The following SH3PXD2A variants were observed in gnomAD, a reference collection of about 807,000 sequenced individuals.
SH3PXD2A encodes the protein SH3 and PX domain-containing protein 2A.
In SH3PXD2A, 32 loss-of-function variants were observed where a neutral mutation model predicts 115.2. The observed-to-expected ratio is 0.28, with a 90% CI of 0.21 to 0.37. SH3PXD2A has a LOEUF of 0.37. Ranked by LOEUF, SH3PXD2A falls within the 10% of genes least tolerant of loss-of-function variation. The pLI, the probability that SH3PXD2A is intolerant of heterozygous loss-of-function variation, is 1.00. For missense variants in SH3PXD2A, 1,328 were observed against 1,498.7 expected (o/e 0.89, Z 1.88); for synonymous variants, 610 against 629.1 (o/e 0.97, Z 0.45).
chr10:103,846,742 G>C lies in SH3PXD2A; in HGVS notation c.72+8453C>G, dbSNP rs1040212501. 2.0e-5 allele frequency among the ~76,000 whole-genome samples: 3 copies of C among 152,220 alleles called. No homozygotes were observed. In the South Asian group the frequency reaches 6.2e-4, roughly 32 times the overall value. On this transcript the variant is annotated intron_variant, in intron 1 of 14. Coordinates refer to ENST00000369774, the MANE Select transcript of SH3PXD2A (RefSeq NM_001394015.1). ...CATGTGGAAGATCTCACGGCTTGAGGAGCCAACCAACTAGGCCTAAGGTGG... is the reference window on the plus strand; with the variant it reads ...CATGTGGAAGATCTCACGGCTTGAGCAGCCAACCAACTAGGCCTAAGGTGG...
chr10:103,684,549 G>A (rs1331898334), intron 6 of SH3PXD2A, among the ~76,000 whole-genome samples: 2 of 151,814 alleles, frequency 1.3e-5, no homozygotes, highest in African/African-American at 2.4e-5. Flanking sequence ...TAGTAGAGAC[G>A]AGGTTTCATC....
At chr10:103,708,616 T>A (rs1384517572) in intron 5 of SH3PXD2A, among the ~76,000 whole-genome samples, 1 of 152,172 alleles carries the variant, frequency 6.6e-6, no homozygotes, top group African/African-American at 2.4e-5. Context: ...GACACTGCGC[T>A]TGGCAGCCTT....
chr10:103,730,289 T>G (rs1252237405), intron 4 of SH3PXD2A, among the ~76,000 whole-genome samples: 3 of 152,012 alleles, frequency 2.0e-5, no homozygotes, highest in Non-Finnish European at 2.9e-5. Context: ...GTTTTTTAAT[T>G]TTTTTAAAGC....
At chr10:103,834,761 G>A (rs1195049716) in intron 1 of SH3PXD2A, among the ~76,000 whole-genome samples, 1 of 152,190 alleles carries the variant, frequency 6.6e-6, no homozygotes, top group Non-Finnish European at 1.5e-5. Flanking sequence ...TTTTAAAGAT[G>A]AAGAAACTGA....
chr10:103,824,036 A>G (rs1826192415), intron 1 of SH3PXD2A, among the ~76,000 whole-genome samples: 2 of 152,112 alleles, frequency 1.3e-5, no homozygotes, highest in Admixed American at 1.3e-4. Flanking sequence ...CCACTCCCCA[A>G]CCCCTGGGAG....
chr10:103,617,439 C>CTCT, intron 10 of SH3PXD2A, 125 bp from the exon 11 acceptor site: 1 of 681,438 alleles, frequency 1.5e-6, no homozygotes, highest in Non-Finnish European at 2.6e-6. Context: ...ACTGGGTTGG[C>CTCT]TCTGGCTTCT....
At chr10:103,686,739 T>TG (rs2037682962) in intron 6 of SH3PXD2A, among the ~76,000 whole-genome samples, 1 of 138,796 alleles carries the variant, frequency 7.2e-6, no homozygotes, top group East Asian at 2.1e-4. Flanking sequence ...TAGGTGTTGC[T>TG]GGGGAATTTT....
At chr10:103,608,151 A>AAAAAAAAAAAAAAAAGTTTAC (rs1564842913) in intron 13 of SH3PXD2A, among the ~76,000 whole-genome samples, 4 of 71,280 alleles carry the variant, frequency 5.6e-5, no homozygotes, top group African/African-American at 1.3e-4. Flanking sequence ...TGATCAATTT[A>AAAAAAAAAAAAAAAAGTTTAC]AAAAAAAAAA....
intron 2 of SH3PXD2A, among the ~76,000 whole-genome samples, chr10:103,775,858 G>C (rs564750707): frequency 1.6e-4 from 25 of 152,246 alleles, no homozygotes; most frequent in African/African-American, 6.0e-4. Flanking sequence ...CCCAGCTCAA[G>C]GACGGCACTA....
At position 103,627,230 on chromosome 10, in the gene SH3PXD2A, C is replaced by A. The variant is rs768963817; in HGVS notation, c.605-28G>T. On this transcript the variant is annotated intron_variant, in intron 8 of 14. Coordinates refer to ENST00000369774, the MANE Select transcript of SH3PXD2A (RefSeq NM_001394015.1). The surrounding 1 kb of genome is among the most constrained non-coding windows in gnomAD (Gnocchi z 4.4). ...GCAGGGAGGACAAGAGAGAACAGGA[C>A]TGTGAGATTCTGCAGGGTGGCAGGG... 2 of 1,373,390 alleles carry A rather than the reference C, an allele frequency of 1.5e-6. No homozygotes were observed. The highest frequency in any genetic ancestry group is 2.3e-5 in the South Asian group (2 of 85,946). 85.1% of individuals were successfully genotyped at this position (1,373,390 alleles called of 1,614,324 possible). A position where few individuals can be genotyped will look rare whatever the true frequency, so the allele number is the denominator to read the frequency against.
At chr10:103,769,007 A>G (rs1288756573) in intron 2 of SH3PXD2A, among the ~76,000 whole-genome samples, 1 of 152,032 alleles carries the variant, frequency 6.6e-6, no homozygotes, top group Non-Finnish European at 1.5e-5. Context: ...CCAACTATTC[A>G]TGAGGGATCA....
At chr10:103,800,362 A>G (rs1046448573) in intron 2 of SH3PXD2A, among the ~76,000 whole-genome samples, 35 of 152,322 alleles carry the variant, frequency 2.3e-4, no homozygotes, top group Middle Eastern at 3.4e-3. Context: ...GGATTTTTCA[A>G]CTTGGAACTG....
intron 6 of SH3PXD2A, 101 bp from the exon 7 acceptor site, chr10:103,668,753 C>A: frequency 1.9e-6 from 2 of 1,078,568 alleles, no homozygotes; most frequent in South Asian, 1.3e-5. Flanking sequence ...GCAGGCGCCG[C>A]GCTCGGCCAG....
At chr10:103,694,314 C>T (rs1408397644) in intron 5 of SH3PXD2A, among the ~76,000 whole-genome samples, 1 of 152,040 alleles carries the variant, frequency 6.6e-6, no homozygotes, top group Non-Finnish European at 1.5e-5. Flanking sequence ...AGGGGGTTCT[C>T]TTGGAGGAAG....
In SH3PXD2A at chr10:103,594,754, G is replaced by A. The variant is rs1268604767; in HGVS notation, c.*7062C>T. ...GAGTGTGCCTTGGTTATAAGGCAAC[G>A]CAAAATGGTAGGGTATATCCATGGA... On this transcript the variant is annotated 3_prime_UTR_variant, in exon 15 of 15. Transcript: ENST00000369774. 6.6e-6 allele frequency: 1 copy of A among 152,210 alleles called. No homozygotes were observed. Among genetic ancestry groups the A allele is most frequent in the Admixed American group, 6.5e-5 (1 of 15,284 alleles). 9.4% of individuals were successfully genotyped at this position (152,210 alleles called of 1,614,324 possible).
intron 1 of SH3PXD2A, among the ~76,000 whole-genome samples, chr10:103,836,440 A>G (rs1343591322): frequency 6.6e-6 from 1 of 151,666 alleles, no homozygotes; most frequent in African/African-American, 2.4e-5. Flanking sequence ...ACACATCCAT[A>G]CACACATAAC....
intron 7 of SH3PXD2A, among the ~76,000 whole-genome samples, chr10:103,662,966 G>A (rs1464657722): frequency 2.0e-5 from 3 of 151,982 alleles, no homozygotes; most frequent in African/African-American, 2.4e-5. Context: ...CACCATACCC[G>A]GCTAATTTTT....
At chr10:103,747,857 C>T (rs951772030) in intron 3 of SH3PXD2A, among the ~76,000 whole-genome samples, 12 of 151,924 alleles carry the variant, frequency 7.9e-5, no homozygotes, top group Non-Finnish European at 1.6e-4. Flanking sequence ...ACTGTGTTGC[C>T]TAGGTTGGTC....
chr10:103,739,246 C>T (rs1326246069), intron 3 of SH3PXD2A, among the ~76,000 whole-genome samples: 1 of 152,204 alleles, frequency 6.6e-6, no homozygotes. Flanking sequence ...AGTGAGGCCA[C>T]CGGGCCACTG....
Sources: allele counts gnomAD v4.1 joint callset (sites outside exome capture counted in the v4.1 genomes callset), GRCh38; gene constraint gnomAD v4.1.1; non-coding constraint Gnocchi (gnomAD v3.1); transcripts MANE v1.5; gene names NCBI Gene and HGNC (gene_info 2026-07-23, HGNC 2026-07-21).